PHIP: variants seen among roughly 807,000 people sequenced by gnomAD.
PHIP encodes the protein PH-interacting protein.
In PHIP, 54 loss-of-function variants were observed where a neutral mutation model predicts 236.8. That is an observed-to-expected ratio of 0.23 (90% CI 0.18 to 0.29). The LOEUF is 0.29. Among genes scored for constraint, PHIP ranks in the 10% least tolerant of loss-of-function variants. The pLI, the probability that PHIP is intolerant of heterozygous loss-of-function variation, is 1.00. For synonymous variants in PHIP, 756 were observed against 718.9 expected (o/e 1.05, Z -0.83); for missense variants, 1,370 against 2,190.8 (o/e 0.63, Z 7.48).
At chr6:78,992,241 G>C (rs1225559893) in intron 19 of PHIP, among the ~76,000 whole-genome samples, 9 of 152,010 alleles carry the variant, frequency 5.9e-5, no homozygotes, top group Admixed American at 4.6e-4. Context: ...GGGATTACAG[G>C]TGTGAGCCAC....
At chr6:79,070,483 C>T (rs1411967157) in intron 4 of PHIP, among the ~76,000 whole-genome samples, 1 of 152,238 alleles carries the variant, frequency 6.6e-6, no homozygotes. Flanking sequence ...TTTAGTGTCT[C>T]TACACCCAAA....
At chr6:79,063,542 AG>A (rs1773487233) in intron 4 of PHIP, among the ~76,000 whole-genome samples, 1 of 151,902 alleles carries the variant, frequency 6.6e-6, no homozygotes, top group South Asian at 2.1e-4. Context: ...TCGCCTCCCG[AG>A]TAGCTGGAAT....
At chr6:78,945,551 GA>G in intron 38 of PHIP, 54 bp from the exon 39 acceptor site, 1 of 1,096,626 alleles carries the variant, frequency 9.1e-7, no homozygotes, top group Non-Finnish European at 1.4e-6. Context: ...CTAAAGATAA[GA>G]AAAAAGGTTA....
intron 9 of PHIP, among the ~76,000 whole-genome samples, chr6:79,023,972 C>A (rs1379064352): frequency 2.0e-5 from 3 of 152,200 alleles, no homozygotes; most frequent in Non-Finnish European, 2.9e-5. Flanking sequence ...CAACAATTAA[C>A]AATTAACTAT....
At chr6:79,040,363 A>C (rs1302630235) in intron 7 of PHIP, among the ~76,000 whole-genome samples, 1 of 152,154 alleles carries the variant, frequency 6.6e-6, no homozygotes, top group Non-Finnish European at 1.5e-5. Context: ...CTGTTCAGAA[A>C]GGACTCAAGA....
intron 24 of PHIP, 60 bp from the exon 25 acceptor site, chr6:78,970,948 G>T (rs1051485560): frequency 1.8e-6 from 2 of 1,108,362 alleles, no homozygotes; most frequent in Non-Finnish European, 2.6e-6. Flanking sequence ...CAATATACAG[G>T]GTATCAGCTG....
intron 4 of PHIP, among the ~76,000 whole-genome samples, chr6:79,074,695 A>G (rs545346983): frequency 4.6e-5 from 7 of 152,270 alleles, no homozygotes. Flanking sequence ...AGAAACAACC[A>G]TAAGATACGA....
intron 4 of PHIP, among the ~76,000 whole-genome samples, chr6:79,072,153 TA>T (rs1773915277): frequency 6.6e-6 from 1 of 152,242 alleles, no homozygotes; most frequent in Non-Finnish European, 1.5e-5. Flanking sequence ...GTGATGGTTG[TA>T]AATCTCACAA....
chr6:79,029,775 C>G (rs1771580214), intron 7 of PHIP, among the ~76,000 whole-genome samples: 1 of 152,128 alleles, frequency 6.6e-6, no homozygotes, highest in Non-Finnish European at 1.5e-5. Flanking sequence ...AGTAATCCAC[C>G]CACCTTGGCC....
At chr6:78,945,215 A>T in intron 39 of PHIP, 85 bp downstream of exon 39, 1 of 1,012,664 alleles carries the variant, frequency 9.9e-7, no homozygotes, top group Non-Finnish European at 1.5e-6. Flanking sequence ...GCAACCTGAA[A>T]AGTGGATATA....
At position 78,997,541 on chromosome 6, in the gene PHIP, T is replaced by G; in HGVS notation, c.2074A>C (p.Ser692Arg). The change falls in exon 19 of 40, where the codon AGT (serine) becomes CGT (arginine). Residue 692 changes from serine to arginine, a missense_variant. Around this residue, in one of 14 missense-constraint regions of PHIP, gnomAD observed 133 missense variants for 245.2 expected, o/e 0.54. Transcript: ENST00000275034. ...TGCCGTACACCTTCAATTTGTCCAC[T>G]ACGTCTTAGTCCTACGTTTGGTGGT... is the stretch of plus-strand genomic sequence containing the variant. ...HSPPNVGLRRSGQIEGVRQMH... is the reference protein window; with the variant it reads ...HSPPNVGLRRRGQIEGVRQMH... 6.2e-7 allele frequency: 1 copy of G among 1,614,054 alleles called. No individual in the cohort carries two copies.
chr6:78,979,791 AAAC>A (rs761546544), intron 23 of PHIP, among the ~76,000 whole-genome samples: 109 of 152,224 alleles, frequency 7.2e-4, no homozygotes, highest in Non-Finnish European at 1.0e-3. Flanking sequence ...GTTTTTTTAA[AAAC>A]AAGGTAGTGT....
intron 7 of PHIP, among the ~76,000 whole-genome samples, chr6:79,033,177 C>T (rs758474601): frequency 1.3e-5 from 2 of 151,910 alleles, no homozygotes; most frequent in Non-Finnish European, 2.9e-5. Context: ...AGAGCACAAG[C>T]AAAGTAGTTT....
Position 79,045,592 on chromosome 6 carries a change from T to A in PHIP, c.440-2589A>T, listed in dbSNP as rs536037951. Among the ~76,000 whole-genome samples the A allele has an allele frequency of 2.0e-5, 3 of 152,184 alleles. No homozygotes were observed. The South Asian group carries it at 6.2e-4, about 32-fold the overall frequency. ...CAAGATGGTTCAATTTAATTTATAG[T>A]TTTATGGCAGAAGGGCAAATGGCAA... On this transcript the variant is annotated intron_variant, in intron 6 of 39. Coordinates refer to ENST00000275034, the MANE Select transcript of PHIP (RefSeq NM_017934.7).
Position 78,988,115 on chromosome 6 carries a change from T to A in PHIP, c.2460+94A>T, listed in dbSNP as rs889676697. On this transcript the variant is annotated intron_variant, in intron 21 of 39. Transcript: ENST00000275034. ...CCCAAAATGCCATATTTAAGCTACA[T>A]CTACAAACATATCAATAAATGCGAA... 1.6e-5 allele frequency: 14 copies of A among 900,080 alleles called. No individual in the cohort carries two copies. In the Admixed American group the frequency reaches 2.6e-4, roughly 17 times the overall value. 55.8% of individuals were successfully genotyped at this position (900,080 alleles called of 1,614,324 possible).
chr6:78,955,230 A>G lies in PHIP; in HGVS notation c.3903+2T>C, dbSNP rs769946919. 1 of 1,599,652 alleles carries G rather than the reference A, an allele frequency of 6.3e-7. No homozygotes were observed. The highest frequency in any genetic ancestry group is 8.6e-7 in the Non-Finnish European group (1 of 1,168,578). The stretch of plus-strand genomic sequence containing the variant: ...CTTCTGCTAAAACTAAAACTATATT[A>G]CCTTCCTTTTTCGAGTAGAAGTTCC... On this transcript the variant is annotated splice_donor_variant, in intron 34 of 39. Transcript: ENST00000275034. LOFTEE classifies it high-confidence loss of function.
chr6:79,015,260 A>C, intron 14 of PHIP, 44 bp from the exon 15 acceptor site: 1 of 1,477,850 alleles, frequency 6.8e-7, no homozygotes, highest in Non-Finnish European at 9.4e-7. Flanking sequence ...ATATTAAAAA[A>C]GAAAGAAAAA....
At chr6:79,077,017 A>G (rs1774195164) in intron 4 of PHIP, among the ~76,000 whole-genome samples, 1 of 152,174 alleles carries the variant, frequency 6.6e-6, no homozygotes, top group African/African-American at 2.4e-5. Context: ...GTCACCAGCT[A>G]TTGTGTAGGG....
intron 23 of PHIP, among the ~76,000 whole-genome samples, chr6:78,979,449 A>G (rs1166751040): frequency 1.3e-5 from 2 of 152,066 alleles, no homozygotes; most frequent in Non-Finnish European, 2.9e-5. Flanking sequence ...TCCTAGTTAT[A>G]GTAAGTTACA....
Sources: allele counts gnomAD v4.1 joint callset (sites outside exome capture counted in the v4.1 genomes callset), GRCh38; gene constraint gnomAD v4.1.1; regional missense constraint gnomAD v4.1.1; transcripts MANE v1.5; gene names NCBI Gene and HGNC (gene_info 2026-07-23, HGNC 2026-07-21).